Variants in ATG10 observed in about 807,000 individuals in gnomAD.
ATG10 encodes the protein ubiquitin-like-conjugating enzyme ATG10.
A neutral mutation model predicts 32.1 loss-of-function variants in ATG10; 30 were observed. That is an observed-to-expected ratio of 0.94 (90% confidence interval 0.70 to 1.27). The LOEUF (loss-of-function observed/expected upper bound fraction) is 1.27, where lower values mean the gene tolerates loss of function less well. ATG10 is among the 50% of genes most tolerant of loss of function. ATG10 has a pLI of 0.00. For synonymous variants in ATG10, 87 were observed against 91.5 expected (o/e 0.95, Z 0.28); for missense variants, 233 against 262.3 (o/e 0.89, Z 0.77).
Position 82,254,610 on chromosome 5 carries a change from A to G in ATG10, c.*547A>G, listed in dbSNP as rs905946876. 6.6e-6 allele frequency: 1 copy of G among 151,916 alleles called. No homozygotes were observed. Among genetic ancestry groups the G allele is most frequent in the East Asian group, 1.9e-4 (1 of 5,188 alleles). The allele number at this position is 151,916 out of a possible 1,614,324, so 9.4% of individuals were successfully genotyped here. On this transcript the variant is annotated 3_prime_UTR_variant, in exon 8 of 8. Coordinates refer to ENST00000282185, the MANE Select transcript of ATG10 (RefSeq NM_031482.5). ...ACATCACTATAAATAGCAAAAAAAC[A>G]AATCTAACTTATTAATACTAGGAAT...
chr5:82,016,171 GA>G (rs1428025634), intron 2 of ATG10, among the ~76,000 whole-genome samples: 3 of 152,170 alleles, frequency 2.0e-5, no homozygotes, highest in African/African-American at 7.2e-5. Context: ...GCATTGTCTA[GA>G]AGGGTTTTTC....
chr5:82,140,069 A>G (rs1244121066), intron 3 of ATG10, among the ~76,000 whole-genome samples: 84 of 88,132 alleles, frequency 9.5e-4, no homozygotes, highest in South Asian at 1.8e-3. Flanking sequence ...GGGAGGTGGG[A>G]GGGTCAGCCC....
intron 2 of ATG10, among the ~76,000 whole-genome samples, chr5:82,028,489 A>G (rs1385162510): frequency 6.6e-6 from 1 of 152,256 alleles, no homozygotes; most frequent in Non-Finnish European, 1.5e-5. Flanking sequence ...TTGTGAAGAC[A>G]TTGAATAGGA....
chr5:81,993,660 T>C (rs996651038), intron 2 of ATG10, among the ~76,000 whole-genome samples: 6 of 151,766 alleles, frequency 4.0e-5, no homozygotes, highest in African/African-American at 1.5e-4. Context: ...ACTCCTGACC[T>C]CGTGATCCGC....
intron 3 of ATG10, among the ~76,000 whole-genome samples, chr5:82,109,283 C>A (rs1334528931): frequency 6.6e-6 from 1 of 151,958 alleles, no homozygotes; most frequent in Non-Finnish European, 1.5e-5. Context: ...TTGTAGGGGA[C>A]AGTATGGGAA....
chr5:82,190,773 C>CAAAAAAAAA lies in ATG10; in HGVS notation c.453+12209_453+12217dup, dbSNP rs35513819. The stretch of plus-strand genomic sequence containing the variant: ...TGGGCAACAGAGTGAGACTCCATCT[C>CAAAAAAAAA]AAAAAAAAAAAAAAAAAAAAAAAAA... On this transcript the variant is annotated intron_variant, in intron 5 of 7. Transcript: ENST00000282185. 7.5e-5 allele frequency among the ~76,000 whole-genome samples: 4 copies of CAAAAAAAAA among 53,676 alleles called. 1 individual carries two copies. Among genetic ancestry groups the CAAAAAAAAA allele is most frequent in the Admixed American group, 6.8e-4 (2 of 2,952 alleles). The allele number at this position is 53,676 out of a possible 152,430, so 35.2% of individuals were successfully genotyped here.
At chr5:82,085,495 CG>C (rs1180213735) in intron 3 of ATG10, among the ~76,000 whole-genome samples, 22 of 74,730 alleles carry the variant, frequency 2.9e-4, no homozygotes, top group Non-Finnish European at 5.4e-4. Context: ...GTCATGGGAT[CG>C]GGGGAGGGGG....
chr5:82,129,984 G>A (rs910219125), intron 3 of ATG10, among the ~76,000 whole-genome samples: 3 of 152,114 alleles, frequency 2.0e-5, no homozygotes, highest in Non-Finnish European at 2.9e-5. Context: ...GGGAGATGGG[G>A]GTTTCATCTA....
chr5:82,053,441 T>C (rs1207204864), intron 2 of ATG10, among the ~76,000 whole-genome samples: 1 of 131,040 alleles, frequency 7.6e-6, no homozygotes, highest in Non-Finnish European at 1.6e-5. Context: ...CATTTTGATA[T>C]GTCTTTTGAC....
At chr5:82,091,489 G>A (rs562308107) in intron 3 of ATG10, among the ~76,000 whole-genome samples, 22 of 152,252 alleles carry the variant, frequency 1.4e-4, no homozygotes, top group Non-Finnish European at 2.9e-4. Flanking sequence ...GATCATTTGA[G>A]TATATACTTT....
intron 2 of ATG10, among the ~76,000 whole-genome samples, chr5:82,007,295 A>C (rs890173782): frequency 6.6e-6 from 1 of 152,218 alleles, no homozygotes; most frequent in Non-Finnish European, 1.5e-5. Flanking sequence ...TTAGGAGATT[A>C]CATTTTTATT....
chr5:82,006,275 C>G (rs921526497), intron 2 of ATG10, among the ~76,000 whole-genome samples: 1 of 152,062 alleles, frequency 6.6e-6, no homozygotes, highest in African/African-American at 2.4e-5. Flanking sequence ...TTTTGTTGTC[C>G]TGCTGAATTT....
chr5:81,984,192 AG>A (rs1461994603), intron 1 of ATG10, among the ~76,000 whole-genome samples: 4 of 152,280 alleles, frequency 2.6e-5, no homozygotes, highest in African/African-American at 9.6e-5. Context: ...CGGGAGGCCG[AG>A]GCTGGCGGAT....
chr5:82,045,408 G>C (rs1418063018), intron 2 of ATG10, among the ~76,000 whole-genome samples: 1 of 152,120 alleles, frequency 6.6e-6, no homozygotes, highest in Non-Finnish European at 1.5e-5. Context: ...AGCAGTGGGA[G>C]AACATGATCA....
chr5:82,054,770 A>C (rs1265439313), intron 2 of ATG10, among the ~76,000 whole-genome samples: 2 of 152,172 alleles, frequency 1.3e-5, no homozygotes, highest in Non-Finnish European at 2.9e-5. Flanking sequence ...TGTGGGATGG[A>C]ATCTGGATCC....
chr5:82,228,225 T>C (rs1007260486), intron 5 of ATG10, among the ~76,000 whole-genome samples: 3 of 151,920 alleles, frequency 2.0e-5, no homozygotes, highest in African/African-American at 7.3e-5. Flanking sequence ...AAAAAAAGTA[T>C]GTATGTACTA....
At chr5:81,977,456 C>A (rs1760902537) in intron 1 of ATG10, among the ~76,000 whole-genome samples, 1 of 152,188 alleles carries the variant, frequency 6.6e-6, no homozygotes, top group African/African-American at 2.4e-5. Context: ...ACTCTAACTT[C>A]TTTTTAACAA....
At chr5:82,190,017 T>A (rs1218795946) in intron 5 of ATG10, among the ~76,000 whole-genome samples, 3 of 152,142 alleles carry the variant, frequency 2.0e-5, no homozygotes, top group Non-Finnish European at 4.4e-5. Flanking sequence ...TCTATTTCAC[T>A]TATTTACTTT....
chr5:82,100,529 A>G (rs1245082443), intron 3 of ATG10, among the ~76,000 whole-genome samples: 1 of 152,050 alleles, frequency 6.6e-6, no homozygotes, highest in Admixed American at 6.6e-5. Flanking sequence ...TTAGAAAGAG[A>G]AAAAGATCTT....
Sources: allele counts gnomAD v4.1 joint callset (sites outside exome capture counted in the v4.1 genomes callset), GRCh38; gene constraint gnomAD v4.1.1; transcripts MANE v1.5; gene names NCBI Gene and HGNC (gene_info 2026-07-23, HGNC 2026-07-21).